The following TENM2 variants were observed in gnomAD, a reference collection of about 807,000 sequenced individuals.
TENM2 encodes the protein teneurin transmembrane protein 2.
In TENM2, 52 loss-of-function variants were observed where a neutral mutation model predicts 245.2. The observed-to-expected ratio is 0.21, with a 90% CI of 0.17 to 0.27. The LOEUF (loss-of-function observed/expected upper bound fraction) is 0.27, where lower values mean the gene tolerates loss of function less well. Among genes scored for constraint, TENM2 ranks in the 10% least tolerant of loss-of-function variants. The pLI is 1.00. For synonymous variants in TENM2, 1,363 were observed against 1,438.9 expected (o/e 0.95, Z 1.19); for missense variants, 3,046 against 3,666.8 (o/e 0.83, Z 4.37).
At chr5:167,543,378 C>G (rs1273307179) in intron 2 of TENM2, among the ~76,000 whole-genome samples, 1 of 152,174 alleles carries the variant, frequency 6.6e-6, no homozygotes, top group Non-Finnish European at 1.5e-5. Flanking sequence ...AAAATAGACT[C>G]TTTCCTCTTG....
chr5:167,380,742 C>T (rs180792274), intron 2 of TENM2, among the ~76,000 whole-genome samples: 3 of 152,272 alleles, frequency 2.0e-5, no homozygotes, highest in African/African-American at 7.2e-5. Context: ...TGGTTTTAAG[C>T]TGCTGAGTTC....
Position 168,004,517 on chromosome 5 carries a change from G to GCGCGCGCACA in TENM2, c.1186+11336_1186+11337insGCGCGCACAC, listed in dbSNP as rs898616203. On this transcript the variant is annotated intron_variant, in intron 5 of 28. Coordinates refer to ENST00000518659, the Ensembl canonical transcript of TENM2. The stretch of plus-strand genomic sequence containing the variant: ...TTGGGATGCACGCATGCGCGCGCGC[G>GCGCGCGCACA]CACACACACACACACACACACACAC... Among the ~76,000 whole-genome samples the GCGCGCGCACA allele has an allele frequency of 1.6e-3, 218 of 132,216 alleles. 1 individual carries two copies. Among genetic ancestry groups the GCGCGCGCACA allele is most frequent in the African/African-American group, 5.8e-3 (191 of 33,106 alleles). 86.7% of individuals were successfully genotyped at this position (132,216 alleles called of 152,430 possible). A position where few individuals can be genotyped will look rare whatever the true frequency, so the allele number is the denominator to read the frequency against.
intron 4 of TENM2, among the ~76,000 whole-genome samples, chr5:167,991,329 A>C (rs1044583053): frequency 6.6e-6 from 1 of 152,212 alleles, no homozygotes; most frequent in African/African-American, 2.4e-5. Flanking sequence ...CCCCCTCTGC[A>C]TGTTGGGCTT....
chr5:167,774,044 G>A (rs1244744443), intron 2 of TENM2, among the ~76,000 whole-genome samples: 1 of 151,660 alleles, frequency 6.6e-6, no homozygotes. Flanking sequence ...GAAGATGCAG[G>A]TGACCCACAT....
At chr5:167,401,782 A>G (rs974784250) in intron 2 of TENM2, among the ~76,000 whole-genome samples, 2 of 152,170 alleles carry the variant, frequency 1.3e-5, no homozygotes, top group African/African-American at 4.8e-5. Context: ...AATAGCATAA[A>G]ACTCACGGAC....
the TENM2 span, among the ~76,000 whole-genome samples, chr5:167,039,480 A>C: frequency 4.1e-4 from 63 of 152,302 alleles, no homozygotes; most frequent in Middle Eastern, 3.4e-3. Flanking sequence ...TTAGGCATCT[A>C]TGCTCATAGA....
chr5:167,287,366 G>A (rs971014687), intron 1 of TENM2: 3 of 152,170 alleles, frequency 2.0e-5, no homozygotes, highest in African/African-American at 7.2e-5. Context: ...TGAAATCAAA[G>A]AGCAGGATCA....
At chr5:168,074,686 G>C (rs1791310861) in intron 7 of TENM2, among the ~76,000 whole-genome samples, 1 of 152,108 alleles carries the variant, frequency 6.6e-6, no homozygotes, top group South Asian at 2.1e-4. Context: ...CACCACATCA[G>C]CTCACTTGCT....
At chr5:168,036,469 C>T (rs1245912163) in intron 5 of TENM2, among the ~76,000 whole-genome samples, 1 of 151,710 alleles carries the variant, frequency 6.6e-6, no homozygotes, top group Non-Finnish European at 1.5e-5. Context: ...AACCCCATCT[C>T]TACTAAAAAT....
At chr5:167,262,065 A>G in the TENM2 span, among the ~76,000 whole-genome samples, 1 of 152,212 alleles carries the variant, frequency 6.6e-6, no homozygotes, top group Non-Finnish European at 1.5e-5. Flanking sequence ...TTATTGACAT[A>G]TTTATTTCAA....
intron 7 of TENM2, among the ~76,000 whole-genome samples, chr5:168,071,463 A>G (rs1211661143): frequency 6.6e-6 from 1 of 152,230 alleles, no homozygotes; most frequent in Admixed American, 6.5e-5. Flanking sequence ...TTCTGTTCAC[A>G]TATAGTCATC....
At chr5:167,885,808 T>C (rs2151434172) in intron 3 of TENM2, among the ~76,000 whole-genome samples, 1 of 152,268 alleles carries the variant, frequency 6.6e-6, no homozygotes, top group South Asian at 2.1e-4. Flanking sequence ...CTCAGCCTCA[T>C]GAGTAGCTGG....
intron 2 of TENM2, among the ~76,000 whole-genome samples, chr5:167,503,197 T>C (rs1252268534): frequency 6.6e-6 from 1 of 152,182 alleles, no homozygotes; most frequent in Non-Finnish European, 1.5e-5. Context: ...AGTAAGCAAT[T>C]GAGTTAAAAA....
chr5:167,715,993 C>T lies in TENM2; in HGVS notation c.503-159993C>T, dbSNP rs541120805. Among the ~76,000 whole-genome samples the T allele has an allele frequency of 2.0e-5, 3 of 152,266 alleles. No homozygotes were observed. The East Asian group carries it at 5.8e-4, about 29-fold the overall frequency. On this transcript the variant is annotated intron_variant, in intron 2 of 28. Transcript: ENST00000518659. ...TTAGGCACACTTTATTTGCTGCCAT[C>T]GCTCTGAAAGTGGTGGAGTTTGGAG...
At chr5:167,338,362 C>G (rs1423463150) in intron 1 of TENM2, among the ~76,000 whole-genome samples, 1 of 152,218 alleles carries the variant, frequency 6.6e-6, no homozygotes, top group African/African-American at 2.4e-5. Context: ...TTCTCACTTA[C>G]ATTCGTGTCC....
At chr5:168,029,369 C>G in intron 5 of TENM2, among the ~76,000 whole-genome samples, 1 of 152,186 alleles carries the variant, frequency 6.6e-6, no homozygotes, top group South Asian at 2.1e-4. Flanking sequence ...TTCCTCTCTC[C>G]TGCTTAAGGT....
chr5:168,116,394 C>G (rs958185681), intron 9 of TENM2, among the ~76,000 whole-genome samples: 2 of 152,138 alleles, frequency 1.3e-5, no homozygotes, highest in African/African-American at 4.8e-5. Flanking sequence ...AATCGTATGT[C>G]AACTATTGAG....
chr5:167,981,990 A>C (rs1372826291), intron 4 of TENM2, among the ~76,000 whole-genome samples: 1 of 151,138 alleles, frequency 6.6e-6, no homozygotes, highest in African/African-American at 2.4e-5. Flanking sequence ...AAAAAAAAAA[A>C]AAAAAGAAAA....
intron 7 of TENM2, among the ~76,000 whole-genome samples, chr5:168,066,942 G>A (rs571327464): frequency 6.6e-6 from 1 of 152,334 alleles, no homozygotes; most frequent in Admixed American, 6.5e-5. Context: ...ATCTTGGGCG[G>A]TTAAGGCAGT....
Sources: gnomAD v4.1 joint callset for allele counts (sites outside exome capture counted in the v4.1 genomes callset) on GRCh38, gnomAD v4.1.1 for gene constraint, MANE v1.5 for transcripts, NCBI Gene and HGNC (gene_info 2026-07-23, HGNC 2026-07-21) for gene names.